Variants in PPP2R5C observed in about 807,000 individuals in gnomAD.
PPP2R5C encodes protein phosphatase 2 regulatory subunit B'gamma, also known as serine/threonine-protein phosphatase 2A 56 kDa regulatory subunit gamma isoform.
Under a neutral mutation model 68.9 loss-of-function variants are expected in PPP2R5C, and 7 were observed. The observed-to-expected ratio is 0.10, with a 90% CI of 0.06 to 0.19. The LOEUF (loss-of-function observed/expected upper bound fraction) is 0.19, where lower values mean the gene tolerates loss of function less well. Ranked by LOEUF, PPP2R5C falls within the 10% of genes least tolerant of loss-of-function variation. PPP2R5C has a pLI of 1.00. For synonymous variants in PPP2R5C, 210 were observed against 222.2 expected (o/e 0.95, Z 0.49); for missense variants, 348 against 641.3 (o/e 0.54, Z 4.94).
At chr14:101,909,158 C>T (rs2046247527) in intron 10 of PPP2R5C, among the ~76,000 whole-genome samples, 1 of 152,208 alleles carries the variant, frequency 6.6e-6, no homozygotes, top group African/African-American at 2.4e-5. Flanking sequence ...TTTATTTTCT[C>T]TTTCAAAGCT....
At chr14:101,872,247 AG>A (rs1250017985) in intron 2 of PPP2R5C, among the ~76,000 whole-genome samples, 2 of 108,628 alleles carry the variant, frequency 1.8e-5, no homozygotes, top group Non-Finnish European at 3.4e-5. Flanking sequence ...TTTTTGAGAC[AG>A]GGTCTTGCTC....
At chr14:101,785,279 A>G (rs572328629) in intron 2 of PPP2R5C, among the ~76,000 whole-genome samples, 12 of 152,188 alleles carry the variant, frequency 7.9e-5, no homozygotes, top group Admixed American at 7.2e-4. Context: ...TCCTTGCACC[A>G]CTGTACAAGT....
Position 101,882,097 on chromosome 14 carries a change from A to T in PPP2R5C, c.295-64A>T. On this transcript the variant is annotated intron_variant, in intron 2 of 13. Transcript: ENST00000334743. The surrounding 1 kb of genome is among the most constrained non-coding windows in gnomAD (Gnocchi z 4.9). ...TACTGTTAGAATTACCTAAGACTTT[A>T]TAAAATGTTGTCTGTAAATATTTTA... 1 of 1,338,194 alleles carries T rather than the reference A, an allele frequency of 7.5e-7. No individual in the cohort carries two copies. Among genetic ancestry groups the T allele is most frequent in the Non-Finnish European group, 1.0e-6 (1 of 982,506 alleles). The allele number at this position is 1,338,194 out of a possible 1,614,324, so 82.9% of individuals were successfully genotyped here. A position where few individuals can be genotyped will look rare whatever the true frequency, so the allele number is the denominator to read the frequency against.
At chr14:101,826,370 T>G (rs1320920200) in intron 1 of PPP2R5C, among the ~76,000 whole-genome samples, 6 of 152,216 alleles carry the variant, frequency 3.9e-5, no homozygotes, top group Non-Finnish European at 8.8e-5. Flanking sequence ...AATATCCAGT[T>G]TTCCCAGAAC....
intron 3 of PPP2R5C, among the ~76,000 whole-genome samples, chr14:101,795,929 C>A (rs1221626797): frequency 6.6e-6 from 1 of 152,140 alleles, no homozygotes; most frequent in Non-Finnish European, 1.5e-5. Context: ...CTCAAGCAGT[C>A]CTCCCAGCTC....
chr14:101,914,032 G>A (rs1227908019), intron 12 of PPP2R5C: 1 of 378,570 alleles, frequency 2.6e-6, no homozygotes, highest in Non-Finnish European at 5.3e-6. Context: ...TTTCACTACT[G>A]CACATACTGT....
chr14:101,767,532 G>C (rs2036920416), intron 2 of PPP2R5C, among the ~76,000 whole-genome samples: 1 of 628 alleles, frequency 1.6e-3, no homozygotes, highest in South Asian at 0.071. Flanking sequence ...GCTTTCGCTA[G>C]AACCTCCCTA....
intron 5 of PPP2R5C, among the ~76,000 whole-genome samples, chr14:101,885,325 G>A (rs1460058827): frequency 4.6e-5 from 7 of 151,902 alleles, no homozygotes; most frequent in Non-Finnish European, 7.4e-5. Flanking sequence ...CTCCCATCCC[G>A]TGCCGGCTTG....
chr14:101,852,009 T>G (rs2042184671), intron 1 of PPP2R5C, among the ~76,000 whole-genome samples: 1 of 152,170 alleles, frequency 6.6e-6, no homozygotes, highest in African/African-American at 2.4e-5. Context: ...TATTCGCCGT[T>G]TAGGACTCAT....
intron 9 of PPP2R5C, among the ~76,000 whole-genome samples, chr14:101,903,378 G>C (rs1461118889): frequency 6.6e-6 from 1 of 152,184 alleles, no homozygotes; most frequent in Non-Finnish European, 1.5e-5. Context: ...CAAGGTGGCC[G>C]CGCAGCTGCC....
intron 2 of PPP2R5C, among the ~76,000 whole-genome samples, chr14:101,776,885 T>TC (rs1159004917): frequency 1.3e-5 from 2 of 151,126 alleles, no homozygotes; most frequent in Admixed American, 6.6e-5. Flanking sequence ...CATTCCCTTT[T>TC]TTTTTTTTTT....
chr14:101,905,537 A>T (rs1002559814), intron 9 of PPP2R5C, among the ~76,000 whole-genome samples: 8 of 146,434 alleles, frequency 5.5e-5, no homozygotes, highest in Admixed American at 5.4e-4. Context: ...TGCGCCTGTA[A>T]TCCCAGCCCC....
At chr14:101,776,168 G>T (rs1412076806) in intron 2 of PPP2R5C, among the ~76,000 whole-genome samples, 1 of 152,000 alleles carries the variant, frequency 6.6e-6, no homozygotes, top group African/African-American at 2.4e-5. Flanking sequence ...TGAAGGGAAG[G>T]GCCGACTATT....
intron 1 of PPP2R5C, chr14:101,823,868 G>A: frequency 2.4e-6 from 3 of 1,245,970 alleles, no homozygotes; most frequent in Non-Finnish European, 2.1e-6. Context: ...AGAGTGCAGT[G>A]CAGCTGAAAC....
chr14:101,914,925 G>C (rs897356475), intron 12 of PPP2R5C, among the ~76,000 whole-genome samples: 9 of 152,214 alleles, frequency 5.9e-5, no homozygotes, highest in Non-Finnish European at 1.3e-4. Flanking sequence ...ACTCAGAGTA[G>C]CTGTGGCTCA....
Position 101,887,973 on chromosome 14 carries a change from G to A in PPP2R5C, c.630-2264G>A, listed in dbSNP as rs147219559. 9.1e-3 allele frequency among the ~76,000 whole-genome samples: 1,385 copies of A among 152,190 alleles called. 18 individuals are homozygous for A. Among genetic ancestry groups the A allele is most frequent in the African/African-American group, 0.031 (1,292 of 41,516 alleles). On this transcript the variant is annotated intron_variant, in intron 5 of 13. Coordinates refer to ENST00000334743, the Ensembl canonical transcript of PPP2R5C. ...CCCAGGGTGTCCCTGTTTGTCTCCC[G>A]CTGGAAAAGGAAGAAGGAAAAGAAC...
chr14:101,905,781 A>G (rs533514258), intron 9 of PPP2R5C, among the ~76,000 whole-genome samples: 3 of 152,056 alleles, frequency 2.0e-5, no homozygotes, highest in African/African-American at 7.2e-5. Flanking sequence ...TGCCCTCTGC[A>G]GTGGTCCTCA....
rs8006692 is a variant in PPP2R5C, at chr14:101,906,883, G to A, written c.1151+354G>A. On this transcript the variant is annotated intron_variant, in intron 10 of 13. Coordinates refer to ENST00000334743, the Ensembl canonical transcript of PPP2R5C. The surrounding 1 kb of genome is among the most constrained non-coding windows in gnomAD (Gnocchi z 4.0). ...GCACAGTGGCCACTGCATTCTCGGG[G>A]TGTCTATTGAGCTCTGCTGACATGC... Among the ~76,000 whole-genome samples the A allele has an allele frequency of 0.12, 17,879 of 152,092 alleles. 1,521 individuals carry two copies. Among genetic ancestry groups the A allele is most frequent in the East Asian group, 0.3 (1,527 of 5,138 alleles).
At position 101,823,694 on chromosome 14, in the gene PPP2R5C, A is replaced by T. The variant is rs1047863311; in HGVS notation, c.94+13658A>T. On this transcript the variant is annotated intron_variant, in intron 1 of 13. Transcript: ENST00000334743. ...CCAACTTGTCTGAGGTCCAAGAAGG[A>T]GCTGGTGACAGAGACCAGATACCGG... is the stretch of plus-strand genomic sequence containing the variant. 1.3e-5 allele frequency: 12 copies of T among 937,010 alleles called. No individual in the cohort carries two copies. In the African/African-American group the frequency reaches 2.1e-4, roughly 16 times the overall value. 58.0% of individuals were successfully genotyped at this position (937,010 alleles called of 1,614,324 possible).
Sources: gnomAD v4.1 joint callset for allele counts (sites outside exome capture counted in the v4.1 genomes callset) on GRCh38, gnomAD v4.1.1 for gene constraint, Gnocchi (gnomAD v3.1) non-coding constraint, MANE v1.5 for transcripts, NCBI Gene and HGNC (gene_info 2026-07-23, HGNC 2026-07-21) for gene names.